C2CD3: variants seen among roughly 807,000 people sequenced by gnomAD.
C2CD3 encodes C2 domain-containing protein 3.
Under a neutral mutation model 234.0 loss-of-function variants are expected in C2CD3, and 148 were observed. That is an observed-to-expected ratio of 0.63 (90% confidence interval 0.55 to 0.72). C2CD3 has a LOEUF of 0.72. C2CD3 is among the 30% of genes least tolerant of loss of function. The pLI is 0.00. For missense variants in C2CD3, 2,577 were observed against 2,811.5 expected (o/e 0.92, Z 1.89); for synonymous variants, 1,000 against 1,035.4 (o/e 0.97, Z 0.66).
intron 5 of C2CD3, among the ~76,000 whole-genome samples, chr11:74,135,327 G>A (rs1168190989): frequency 6.6e-6 from 1 of 151,596 alleles, no homozygotes; most frequent in African/African-American, 2.4e-5. Context: ...GAGTGCACTG[G>A]CATGATCATG....
chr11:74,037,945 G>A (rs1952821636), intron 29 of C2CD3, among the ~76,000 whole-genome samples: 1 of 152,072 alleles, frequency 6.6e-6, no homozygotes, highest in South Asian at 2.1e-4. Flanking sequence ...CTGATGTCCA[G>A]CAAAAATGCC....
chr11:74,155,213 C>T (rs752191033), intron 3 of C2CD3, among the ~76,000 whole-genome samples: 14 of 152,190 alleles, frequency 9.2e-5, no homozygotes, highest in Non-Finnish European at 1.8e-4. Context: ...CAAAAGTCTC[C>T]ACTGCTCTAT....
rs1257534445 is a variant in C2CD3 at position 74,133,513 on chromosome 11, A to C, written c.1000T>G (p.Ser334Ala). The C allele has an allele frequency of 1.9e-6, 3 of 1,614,086 alleles. No homozygotes were observed. The highest frequency in any genetic ancestry group is 2.5e-6 in the Non-Finnish European group (3 of 1,179,968). Residue 334 changes from serine (S) to alanine (A), a missense_variant, in exon 6 of 33, where the codon TCT becomes GCT. By Grantham distance (99) the Ser-to-Ala change is moderately conservative. Coordinates refer to ENST00000334126, the MANE Select transcript of C2CD3 (RefSeq NM_001286577.2). ...GTCTCTGGGCTTGATTTCATTGCAG[A>C]AATCACCATGGCATTACGCAGTTTA... ...GNKLRNAMVI[S>A]AMKSSPETSM...
At chr11:74,133,696 G>A in intron 5 of C2CD3, 139 bp from the exon 6 acceptor site, 1 of 799,664 alleles carries the variant, frequency 1.3e-6, no homozygotes, top group South Asian at 1.8e-5. Context: ...CCATTAGCTT[G>A]AGAATTCCTT....
rs1025982565 is a variant in C2CD3 at position 74,074,242 on chromosome 11, G to A, written c.4951+11C>T. On this transcript the variant is annotated intron_variant, in intron 24 of 32. Transcript: ENST00000334126. ...GTTAGACATGCTCCTGGGTAGGTGAGGAGAGCATACCTTTCAAGCTCAAGT... is the reference window on the plus strand; with the variant it reads ...GTTAGACATGCTCCTGGGTAGGTGAAGAGAGCATACCTTTCAAGCTCAAGT... 3 of 1,590,604 alleles carry A rather than the reference G, an allele frequency of 1.9e-6. No individual in the cohort carries two copies. Among genetic ancestry groups the A allele is most frequent in the Non-Finnish European group, 2.6e-6 (3 of 1,161,352 alleles).
At chr11:74,151,840 G>T (rs1855687211) in intron 3 of C2CD3, among the ~76,000 whole-genome samples, 1 of 151,870 alleles carries the variant, frequency 6.6e-6, no homozygotes, top group Non-Finnish European at 1.5e-5. Context: ...TTAAGGATGT[G>T]AAAGAAAATG....
At chr11:74,049,307 T>C (rs1464747555) in intron 27 of C2CD3, 30 bp downstream of exon 27, 3 of 1,574,404 alleles carry the variant, frequency 1.9e-6, no homozygotes, top group African/African-American at 2.7e-5. Flanking sequence ...ACAATTCGTA[T>C]TGGTTAGGGA....
At position 74,013,368 on chromosome 11, in the gene C2CD3, C is replaced by A; in HGVS notation, c.*17G>T. On this transcript the variant is annotated 3_prime_UTR_variant, in exon 33 of 33. Coordinates refer to ENST00000334126, the MANE Select transcript of C2CD3 (RefSeq NM_001286577.2). ...GGGTGGGCAGGTGTCTCCTTCCCCC[C>A]AGCCCCTCAGGCTGCGTCAGTCTTT... 1.2e-6 allele frequency: 1 copy of A among 868,094 alleles called. No homozygotes were observed. Among genetic ancestry groups the A allele is most frequent in the Non-Finnish European group, 1.6e-6 (1 of 618,654 alleles). The allele number at this position is 868,094 out of a possible 1,614,324, so 53.8% of individuals were successfully genotyped here. A position where few individuals can be genotyped will look rare whatever the true frequency, so the allele number is the denominator to read the frequency against.
intron 32 of C2CD3, among the ~76,000 whole-genome samples, chr11:74,021,552 C>T (rs1271086830): frequency 6.6e-6 from 1 of 152,018 alleles, no homozygotes; most frequent in Non-Finnish European, 1.5e-5. Flanking sequence ...GCGGGAGCAG[C>T]CAGTGAGGGA....
intron 3 of C2CD3, among the ~76,000 whole-genome samples, chr11:74,155,471 A>G (rs1367829532): frequency 1.3e-5 from 2 of 152,348 alleles, no homozygotes; most frequent in East Asian, 3.9e-4. Flanking sequence ...TAGCAACATT[A>G]TTAATAATAG....
intron 14 of C2CD3, among the ~76,000 whole-genome samples, chr11:74,101,574 C>T (rs1330525118): frequency 6.6e-6 from 1 of 152,126 alleles, no homozygotes; most frequent in Non-Finnish European, 1.5e-5. Flanking sequence ...AGAACAGCAA[C>T]CTAACCTCCA....
intron 7 of C2CD3, among the ~76,000 whole-genome samples, chr11:74,123,483 G>GA (rs35473783): frequency 6.6e-6 from 1 of 151,644 alleles, no homozygotes; most frequent in Non-Finnish European, 1.5e-5. Context: ...CTGATAGGGA[G>GA]AAAAAAGGGT....
In C2CD3 at chr11:74,138,915, A is replaced by G. The variant is rs1365318424; in HGVS notation, c.760T>C (p.Ser254Pro). 11 of 1,612,702 alleles carry G rather than the reference A, an allele frequency of 6.8e-6. No homozygotes were observed. The highest frequency in any genetic ancestry group is 9.3e-6 in the Non-Finnish European group (11 of 1,178,744). Residue 254 changes from serine (S) to proline (P), a missense_variant, in exon 5 of 33, where the codon TCC (serine) becomes CCC (proline). Transcript: ENST00000334126. ...AENPDTIKDS[S>P]FGLQHSLNSG... Reference sequence around the variant, plus strand: ...TTAAGACTGTGCTGTAGTCCAAAGGAAGAATCCTTTATTGTATCAGGGTTC... The same window carrying G: ...TTAAGACTGTGCTGTAGTCCAAAGGGAGAATCCTTTATTGTATCAGGGTTC...
chr11:74,120,239 T>C (rs1440771687), intron 8 of C2CD3, among the ~76,000 whole-genome samples: 2 of 152,124 alleles, frequency 1.3e-5, no homozygotes, highest in African/African-American at 4.8e-5. Context: ...CAACTCATCA[T>C]TTACATTAGG....
rs536279698 is a variant in C2CD3 at position 74,103,170 on chromosome 11, G to A, written c.2541C>T (p.Ile847=). 1.3e-5 allele frequency: 21 copies of A among 1,613,978 alleles called. No homozygotes were observed. The highest frequency in any genetic ancestry group is 2.2e-5 in the East Asian group (1 of 44,884). ...AGACCGGTTGTGTTGTGCCCCATGC[G>A]ATGACAGATCTGGTGACTTCCTCTG... ...FSTEEVTRSV[I]AWGTTQPVFN... is the part of the protein sequence containing the mutation. The change falls in exon 14 of 33, where the codon ATC becomes ATT. Residue 847 remains isoleucine, a synonymous_variant. Transcript: ENST00000334126.
At chr11:74,082,555 G>T (rs1031917354) in intron 22 of C2CD3, among the ~76,000 whole-genome samples, 13 of 152,114 alleles carry the variant, frequency 8.5e-5, no homozygotes, top group Non-Finnish European at 1.6e-4. Context: ...TGTGGTTTTT[G>T]TCATTGGTTC....
At chr11:74,018,675 C>CTT (rs1951966832) in intron 32 of C2CD3, among the ~76,000 whole-genome samples, 2 of 152,130 alleles carry the variant, frequency 1.3e-5, no homozygotes, top group Non-Finnish European at 2.9e-5. Flanking sequence ...CTGGCCTGGA[C>CTT]TAGAACTTCC....
At chr11:74,130,226 C>CTT (rs752226149) in intron 7 of C2CD3, among the ~76,000 whole-genome samples, 7 of 128,970 alleles carry the variant, frequency 5.4e-5, no homozygotes, top group Admixed American at 7.7e-5. Flanking sequence ...AAGGGTCCAA[C>CTT]TTTTTTTTTT....
At chr11:74,071,546 G>A (rs1202895543) in intron 24 of C2CD3, among the ~76,000 whole-genome samples, 3 of 152,022 alleles carry the variant, frequency 2.0e-5, no homozygotes, top group Non-Finnish European at 4.4e-5. Context: ...TTTGAACTTC[G>A]GTCTCCTCAT....
Sources: allele counts gnomAD v4.1 joint callset (sites outside exome capture counted in the v4.1 genomes callset), GRCh38; gene constraint gnomAD v4.1.1; transcripts MANE v1.5; gene names NCBI Gene and HGNC (gene_info 2026-07-23, HGNC 2026-07-21).